GTSE1: variants seen among roughly 807,000 people sequenced by gnomAD.
GTSE1 encodes the protein G2 and S-phase expressed 1.
A neutral mutation model predicts 60.5 loss-of-function variants in GTSE1; 52 were observed. The ratio of observed to expected loss-of-function variants is 0.86; its 90% confidence interval spans 0.69 to 1.08. GTSE1 has a LOEUF of 1.08. Ranked by LOEUF, GTSE1 falls within the 50% of genes least tolerant of loss-of-function variation. The probability of loss-of-function intolerance (pLI) is 0.00; values close to 1 mark genes in which losing one functional copy is unlikely to be tolerated. For missense variants in GTSE1, 937 were observed against 961.8 expected, an observed-to-expected ratio of 0.97 and a Z score of 0.34; for synonymous variants, 368 against 386.5, an observed-to-expected ratio of 0.95 and a Z score of 0.56.
In GTSE1 at chr22:46,316,138, T is replaced by G; in HGVS notation, c.1158T>G (p.Pro386=). 6.2e-7 allele frequency: 1 copy of G among 1,609,522 alleles called. No homozygotes were observed. The highest frequency in any genetic ancestry group is 8.5e-7 in the Non-Finnish European group (1 of 1,176,800). Residue 386 remains proline, a synonymous_variant, in exon 7 of 12, where the codon CCT becomes CCG. Coordinates refer to ENST00000454366, the MANE Select transcript of GTSE1 (RefSeq NM_016426.7). The surrounding 1 kb of genome is among the most constrained non-coding windows in gnomAD (Gnocchi z 5.0). The stretch of plus-strand genomic sequence containing the variant: ...CCGCCATGCTGCGGCCAGCTCTGCC[T>G]GCAGGCCCTGTGGGGGCATCCTCCT... The part of the protein sequence containing the change: ...MGPAMLRPAL[P]AGPVGASSWQ...
intron 2 of GTSE1, among the ~76,000 whole-genome samples, chr22:46,299,777 C>CTTTTCTTTTCTTTTCTCT: frequency 6.6e-6 from 1 of 151,858 alleles, no homozygotes; most frequent in Non-Finnish European, 1.5e-5. Context: ...TTATAAAGCT[C>CTTTTCTTTTCTTTTCTCT]TTTTCTTTTC....
Position 46,319,108 on chromosome 22 carries a change from G to A in GTSE1, c.1432+2696G>A, listed in dbSNP as rs576111047. On this transcript the variant is annotated intron_variant, in intron 7 of 11. Transcript: ENST00000454366. This position sits in a 1 kb window ranked among gnomAD's most constrained non-coding sequence, Gnocchi z 5.0. ...TACTGAGAAGAGGAAAGTTGCTGTT[G>A]AACAAAAACTAGCAACCTCAGCCAG... Among the ~76,000 whole-genome samples, 2 of 152,296 alleles carry A rather than the reference G, an allele frequency of 1.3e-5. No homozygotes were observed. The highest frequency in any genetic ancestry group is 2.1e-4 in the South Asian group (1 of 4,826).
chr22:46,325,397 C>T (rs1309745951), intron 8 of GTSE1, among the ~76,000 whole-genome samples: 2 of 152,136 alleles, frequency 1.3e-5, no homozygotes, highest in East Asian at 1.9e-4. Flanking sequence ...GGGGTTTCAC[C>T]GTGTTAGCCA....
chr22:46,316,113 C>T lies in GTSE1; in HGVS notation c.1133C>T (p.Pro378Leu). Reference sequence around the variant, plus strand: ...ATCAGCAAGTCAGGCAGAATGGGACCCGCCATGCTGCGGCCAGCTCTGCCT... The same window carrying T: ...ATCAGCAAGTCAGGCAGAATGGGACTCGCCATGCTGCGGCCAGCTCTGCCT... ...SNISKSGRMGPAMLRPALPAG... is the reference protein window; with the variant it reads ...SNISKSGRMGLAMLRPALPAG... Residue 378 changes from proline (P) to leucine (L), a missense_variant, in exon 7 of 12, where the codon CCC becomes CTC. By Grantham distance (98) the Pro-to-Leu change is moderately conservative. Coordinates refer to ENST00000454366, the MANE Select transcript of GTSE1 (RefSeq NM_016426.7). This position sits in a 1 kb window ranked among gnomAD's most constrained non-coding sequence, Gnocchi z 5.0. 1 of 1,584,218 alleles carries T rather than the reference C, an allele frequency of 6.3e-7. No homozygotes were observed. The highest frequency in any genetic ancestry group is 8.6e-7 in the Non-Finnish European group (1 of 1,162,276).
Position 46,316,088 on chromosome 22 carries a change from A to G in GTSE1, c.1108A>G (p.Ile370Val), listed in dbSNP as rs763487319. 1.5e-5 allele frequency: 23 copies of G among 1,546,440 alleles called. No individual in the cohort carries two copies. The South Asian group carries it at 2.1e-4, about 14-fold the overall frequency. Reference protein sequence around the residue: ...PANSSRPLSNISKSGRMGPAM... With the variant: ...PANSSRPLSNVSKSGRMGPAM... ...AAATAGCTCCCGGCCTCTGTCAAAC[A>G]TCAGCAAGTCAGGCAGAATGGGACC... is the stretch of plus-strand genomic sequence containing the variant. Residue 370 changes from isoleucine to valine, a missense_variant, in exon 7 of 12, where the codon ATC becomes GTC. Transcript: ENST00000454366. This position sits in a 1 kb window ranked among gnomAD's most constrained non-coding sequence, Gnocchi z 5.0.
chr22:46,326,712 C>T, intron 9 of GTSE1, 58 bp downstream of exon 9: 1 of 1,188,344 alleles, frequency 8.4e-7, no homozygotes, highest in Non-Finnish European at 1.2e-6. Context: ...CTGTCCCAGA[C>T]AGTGACATAC....
chr22:46,301,927 C>G (rs144253606), intron 2 of GTSE1, among the ~76,000 whole-genome samples: 5,685 of 152,140 alleles, frequency 0.037, 362 homozygotes, highest in African/African-American at 0.13. Flanking sequence ...TCGGGAGTTC[C>G]AGACCAGCCT....
intron 9 of GTSE1, among the ~76,000 whole-genome samples, chr22:46,328,346 G>A (rs892642628): frequency 2.0e-5 from 3 of 152,254 alleles, no homozygotes; most frequent in Non-Finnish European, 4.4e-5. Context: ...CATGCGAGGA[G>A]GAGCTGGCCG....
At chr22:46,322,292 C>T (rs1411571125) in intron 7 of GTSE1, among the ~76,000 whole-genome samples, 2 of 152,118 alleles carry the variant, frequency 1.3e-5, no homozygotes, top group Non-Finnish European at 2.9e-5. Context: ...AGCCTGGACC[C>T]TCGCCTGGCC....
chr22:46,298,878 C>T (rs2077673336), intron 2 of GTSE1, among the ~76,000 whole-genome samples: 2 of 152,206 alleles, frequency 1.3e-5, no homozygotes, highest in Admixed American at 6.5e-5. Flanking sequence ...ATAATGTTCC[C>T]TTGTCTCACT....
intron 2 of GTSE1, among the ~76,000 whole-genome samples, chr22:46,299,280 C>A (rs188686639): frequency 1.3e-5 from 2 of 152,372 alleles, no homozygotes; most frequent in Non-Finnish European, 2.9e-5. Flanking sequence ...TGCTTTCGCC[C>A]TCAGGGCGGT....
chr22:46,299,204 T>C (rs542124898), intron 2 of GTSE1, among the ~76,000 whole-genome samples: 1 of 152,270 alleles, frequency 6.6e-6, no homozygotes, highest in African/African-American at 2.4e-5. Context: ...CTTTTCTCTG[T>C]CGGGGGCTCC....
In GTSE1 at chr22:46,300,019, G is replaced by T. The variant is rs191363064; in HGVS notation, c.79+2540G>T. Among the ~76,000 whole-genome samples, 602 of 146,100 alleles carry T rather than the reference G, an allele frequency of 4.1e-3. 5 individuals are homozygous for T. Among genetic ancestry groups the T allele is most frequent in the South Asian group, 0.01 (47 of 4,650 alleles). ...GGGGTTTCACTGTGTTAGCCAGGAT[G>T]GTCTCAATCTCCTGACCTCGTGATC... is the stretch of plus-strand genomic sequence containing the variant. On this transcript the variant is annotated intron_variant, in intron 2 of 11. Transcript: ENST00000454366.
Position 46,297,448 on chromosome 22 carries a change from G to A in GTSE1, c.48G>A (p.Gly16=). The change falls in exon 2 of 12, where the codon GGG becomes GGA. Residue 16 remains glycine, a synonymous_variant. Coordinates refer to ENST00000454366, the MANE Select transcript of GTSE1 (RefSeq NM_016426.7). The surrounding 1 kb of genome is among the most constrained non-coding windows in gnomAD (Gnocchi z 4.9). ...GRDEPSACRA[G]DVNMDDPKKE... The stretch of plus-strand genomic sequence containing the variant: ...ATGAGCCTTCAGCCTGCCGGGCAGG[G>A]GACGTGAACATGGATGACCCTAAGA... 1.2e-6 allele frequency: 2 copies of A among 1,613,790 alleles called. No homozygotes were observed. Among genetic ancestry groups the A allele is most frequent in the Non-Finnish European group, 1.7e-6 (2 of 1,179,682 alleles).
At chr22:46,307,536 T>C (rs960824869) in intron 2 of GTSE1, among the ~76,000 whole-genome samples, 28 of 151,962 alleles carry the variant, frequency 1.8e-4, no homozygotes, top group African/African-American at 6.8e-4. Context: ...CAGAGTGTCT[T>C]TCTGTCACCC....
In GTSE1 at chr22:46,316,615, G is replaced by A. The variant is rs1244610154; in HGVS notation, c.1432+203G>A. 6.6e-6 allele frequency among the ~76,000 whole-genome samples: 1 copy of A among 152,170 alleles called. No homozygotes were observed. ...CTGAATGTCTTACGTTCGTTCCTGT[G>A]TGTGTGACACCCCAATGCTCGTAGG... is the stretch of plus-strand genomic sequence containing the variant. On this transcript the variant is annotated intron_variant, in intron 7 of 11. Coordinates refer to ENST00000454366, the MANE Select transcript of GTSE1 (RefSeq NM_016426.7). The surrounding 1 kb of genome is among the most constrained non-coding windows in gnomAD (Gnocchi z 5.0).
Position 46,324,293 on chromosome 22 carries a change from A to G in GTSE1, c.1505+1031A>G, listed in dbSNP as rs926159021. 2.6e-5 allele frequency among the ~76,000 whole-genome samples: 4 copies of G among 152,144 alleles called. No individual in the cohort carries two copies. Among genetic ancestry groups the G allele is most frequent in the African/African-American group, 9.7e-5 (4 of 41,440 alleles). On this transcript the variant is annotated intron_variant, in intron 8 of 11. Coordinates refer to ENST00000454366, the MANE Select transcript of GTSE1 (RefSeq NM_016426.7). The surrounding 1 kb of genome is among the most constrained non-coding windows in gnomAD (Gnocchi z 5.2). Reference sequence around the variant, plus strand: ...GAGCCAGGCAGCCACTGGCCACCTCACTTGCCTCTCTGTGCCTCAGTTTCC... The same window carrying G: ...GAGCCAGGCAGCCACTGGCCACCTCGCTTGCCTCTCTGTGCCTCAGTTTCC...
rs2077662256 is a variant in GTSE1, at chr22:46,297,254, G to A, written c.-21-126G>A. 1.5e-6 allele frequency: 1 copy of A among 657,852 alleles called. No individual in the cohort carries two copies. Among genetic ancestry groups the A allele is most frequent in the African/African-American group, 1.8e-5 (1 of 54,940 alleles). The allele number at this position is 657,852 out of a possible 1,614,324, so 40.8% of individuals were successfully genotyped here. A position where few individuals can be genotyped will look rare whatever the true frequency, so the allele number is the denominator to read the frequency against. ...ATGCGATCATTTCAGAGCGGCCCCCGCGCCGCCTCTCCCAGACCTGGCCGC... is the reference window on the plus strand; with the variant it reads ...ATGCGATCATTTCAGAGCGGCCCCCACGCCGCCTCTCCCAGACCTGGCCGC... On this transcript the variant is annotated intron_variant, in intron 1 of 11. Coordinates refer to ENST00000454366, the MANE Select transcript of GTSE1 (RefSeq NM_016426.7). The surrounding 1 kb of genome is among the most constrained non-coding windows in gnomAD (Gnocchi z 4.9).
chr22:46,328,546 G>A (rs922637295), intron 9 of GTSE1, 142 bp from the exon 10 acceptor site: 3 of 620,628 alleles, frequency 4.8e-6, no homozygotes, highest in East Asian at 2.7e-5. Flanking sequence ...ACAGGAAACT[G>A]GGGGTCTGGA....
Sources: allele counts gnomAD v4.1 joint callset (sites outside exome capture counted in the v4.1 genomes callset), GRCh38; gene constraint gnomAD v4.1.1; non-coding constraint Gnocchi (gnomAD v3.1); transcripts MANE v1.5; gene names NCBI Gene and HGNC (gene_info 2026-07-23, HGNC 2026-07-21).